The following PTPN1 variants were observed in gnomAD, a reference collection of about 807,000 sequenced individuals.
PTPN1 encodes tyrosine-protein phosphatase non-receptor type 1.
In PTPN1, 12 loss-of-function variants were observed where a neutral mutation model predicts 59.9. That is an observed-to-expected ratio of 0.20 (90% confidence interval 0.13 to 0.32). The LOEUF (loss-of-function observed/expected upper bound fraction) is 0.32, where lower values mean the gene tolerates loss of function less well. Ranked by LOEUF, PTPN1 falls within the 10% of genes least tolerant of loss-of-function variation. The pLI is 1.00. For synonymous variants in PTPN1, 178 were observed against 203.6 expected (o/e 0.87, Z 1.07); for missense variants, 356 against 549.2 (o/e 0.65, Z 3.52).
intron 1 of PTPN1, among the ~76,000 whole-genome samples, chr20:50,545,654 A>G (rs2082671913): frequency 6.6e-6 from 1 of 152,190 alleles, no homozygotes; most frequent in Non-Finnish European, 1.5e-5. Context: ...AATACCCAGG[A>G]AGAAGCAAAA....
intron 1 of PTPN1, among the ~76,000 whole-genome samples, chr20:50,540,619 G>A (rs577761914): frequency 6.6e-6 from 1 of 152,152 alleles, no homozygotes; most frequent in Non-Finnish European, 1.5e-5. Flanking sequence ...GTCACTCAGG[G>A]ATTGGAGGAG....
intron 1 of PTPN1, among the ~76,000 whole-genome samples, chr20:50,517,510 CA>C (rs748134257): frequency 4.6e-5 from 7 of 152,212 alleles, no homozygotes; most frequent in Non-Finnish European, 8.8e-5. Context: ...CTGTCTGCCT[CA>C]GGCTCCCAAA....
At chr20:50,538,863 A>G (rs2082635530) in intron 1 of PTPN1, among the ~76,000 whole-genome samples, 1 of 152,006 alleles carries the variant, frequency 6.6e-6, no homozygotes. Flanking sequence ...CCTAGCTGCT[A>G]CCTATAAAAG....
Position 50,584,692 on chromosome 20 carries a change from C to A in PTPN1, c.*1977C>A, listed in dbSNP as rs1330817499. On this transcript the variant is annotated 3_prime_UTR_variant, in exon 10 of 10. Transcript: ENST00000371621. ...CAGAACTGTCAGACTGTACAGTTTT[C>A]CAACTTGCCATATTCATGATGGGTT... is the stretch of plus-strand genomic sequence containing the variant. 1 of 152,070 alleles carries A rather than the reference C, an allele frequency of 6.6e-6. No homozygotes were observed. Among genetic ancestry groups the A allele is most frequent in the African/African-American group, 2.4e-5 (1 of 41,388 alleles). The allele number at this position is 152,070 out of a possible 1,614,324, so 9.4% of individuals were successfully genotyped here.
At chr20:50,569,402 C>T (rs546909333) in intron 4 of PTPN1, among the ~76,000 whole-genome samples, 2 of 152,336 alleles carry the variant, frequency 1.3e-5, no homozygotes, top group East Asian at 1.9e-4. Context: ...CACCCCTGGA[C>T]GGCTGCCCCC....
intron 1 of PTPN1, among the ~76,000 whole-genome samples, chr20:50,521,838 G>T (rs1249277806): frequency 6.6e-6 from 1 of 152,222 alleles, no homozygotes; most frequent in Non-Finnish European, 1.5e-5. Context: ...ACTGGCAGTG[G>T]TCTGCTGGAC....
intron 1 of PTPN1, among the ~76,000 whole-genome samples, chr20:50,533,902 C>T (rs1358724515): frequency 1.3e-5 from 2 of 152,088 alleles, no homozygotes; most frequent in Admixed American, 1.3e-4. Context: ...AGAAGAGGAG[C>T]AGATTGTCTG....
chr20:50,580,176 T>C (rs1309421606), intron 8 of PTPN1, among the ~76,000 whole-genome samples: 1 of 152,110 alleles, frequency 6.6e-6, no homozygotes, highest in African/African-American at 2.4e-5. Context: ...GTGGTGCTTG[T>C]TGGAATGAGG....
intron 1 of PTPN1, among the ~76,000 whole-genome samples, chr20:50,542,443 G>A (rs1175112881): frequency 3.3e-5 from 5 of 152,166 alleles, no homozygotes; most frequent in Admixed American, 6.5e-5. Flanking sequence ...TGTTCCTAAA[G>A]TTCTTTGTTC....
Position 50,582,544 on chromosome 20 carries a change from GA to G in PTPN1, c.1285-147del, listed in dbSNP as rs2082874033. On this transcript the variant is annotated intron_variant, in intron 9 of 9. Transcript: ENST00000371621. This position sits in a 1 kb window ranked among gnomAD's most constrained non-coding sequence, Gnocchi z 4.2. ...TTTCCTTGGGGATGATTTTTGGGGA[GA>G]GGGGGCTACTGTAAAAAATAAAACC... The G allele has an allele frequency of 1.6e-5, 12 of 747,380 alleles. No individual in the cohort carries two copies. The highest frequency in any genetic ancestry group is 2.6e-5 in the Non-Finnish European group (12 of 457,124). The allele number at this position is 747,380 out of a possible 1,614,324, so 46.3% of individuals were successfully genotyped here.
chr20:50,529,447 G>T (rs2082591177), intron 1 of PTPN1, among the ~76,000 whole-genome samples: 1 of 152,160 alleles, frequency 6.6e-6, no homozygotes, highest in South Asian at 2.1e-4. Context: ...GCATGCTTGG[G>T]TCTCCAAAGT....
At chr20:50,531,109 G>C (rs1480447549) in intron 1 of PTPN1, among the ~76,000 whole-genome samples, 1 of 152,116 alleles carries the variant, frequency 6.6e-6, no homozygotes, top group African/African-American at 2.4e-5. Context: ...TCTTTCCTCT[G>C]ATGGGCTACT....
intron 2 of PTPN1, chr20:50,563,190 C>T (rs556403581): frequency 3.3e-5 from 5 of 151,936 alleles, no homozygotes; most frequent in East Asian, 1.9e-4. Flanking sequence ...ATCTTCCTCC[C>T]GTACTCCTAT....
At chr20:50,532,373 A>G (rs1469598693) in intron 1 of PTPN1, among the ~76,000 whole-genome samples, 2 of 152,216 alleles carry the variant, frequency 1.3e-5, no homozygotes, top group Non-Finnish European at 2.9e-5. Flanking sequence ...GGTTCAGCGA[A>G]TGTTGCTCAG....
chr20:50,552,143 G>A (rs927589878), intron 1 of PTPN1, among the ~76,000 whole-genome samples: 9 of 151,958 alleles, frequency 5.9e-5, no homozygotes, highest in Non-Finnish European at 7.4e-5. Context: ...TTGCTGTTAC[G>A]GTACGGTAGT....
intron 1 of PTPN1, among the ~76,000 whole-genome samples, chr20:50,516,225 A>ATT (rs11481265): frequency 0.026 from 3,889 of 151,084 alleles, 94 homozygotes; most frequent in Admixed American, 0.076. Flanking sequence ...CAAGTCTTTG[A>ATT]TTTTTTTTTT....
chr20:50,574,911 CAA>C (rs1210897565), intron 5 of PTPN1: 3 of 420,720 alleles, frequency 7.1e-6, no homozygotes, highest in African/African-American at 6.3e-5. Flanking sequence ...GTTTCTTACC[CAA>C]AAGACTGGTT....
At position 50,516,713 on chromosome 20, in the gene PTPN1, C is replaced by G. The variant is rs572588321; in HGVS notation, c.63+6123C>G. ...GGAAAATGAGTAGCCCTGACACGTACGCTATGCTTTTGCAGTTTTTCTCTC... is the reference window on the plus strand; with the variant it reads ...GGAAAATGAGTAGCCCTGACACGTAGGCTATGCTTTTGCAGTTTTTCTCTC... On this transcript the variant is annotated intron_variant, in intron 1 of 9. Transcript: ENST00000371621. Among the ~76,000 whole-genome samples the G allele has an allele frequency of 5.3e-5, 8 of 152,218 alleles. No homozygotes were observed. The East Asian group carries it at 1.5e-3, about 29-fold the overall frequency.
At chr20:50,575,570 C>T (rs1030851665) in intron 5 of PTPN1, among the ~76,000 whole-genome samples, 39 of 152,300 alleles carry the variant, frequency 2.6e-4, no homozygotes, top group African/African-American at 9.1e-4. Context: ...TCTGGGTTAC[C>T]CCATGCCTCC....
Sources: allele counts gnomAD v4.1 joint callset (sites outside exome capture counted in the v4.1 genomes callset), GRCh38; gene constraint gnomAD v4.1.1; non-coding constraint Gnocchi (gnomAD v3.1); transcripts MANE v1.5; gene names NCBI Gene and HGNC (gene_info 2026-07-23, HGNC 2026-07-21).